The following CALD1 variants were observed in gnomAD, a reference collection of about 807,000 sequenced individuals.
The protein encoded by CALD1 is caldesmon 1, also known as caldesmon.
CALD1 carries 33 observed loss-of-function variants against 99.9 expected under a neutral mutation model. The observed-to-expected ratio is 0.33, with a 90% confidence interval of 0.25 to 0.44. CALD1 has a LOEUF of 0.44. CALD1 is among the 20% of genes least tolerant of loss of function. The probability of loss-of-function intolerance (pLI) is 1.00; values close to 1 mark genes in which losing one functional copy is unlikely to be tolerated. For synonymous variants in CALD1, 310 were observed against 325.0 expected (o/e 0.95, Z 0.50); for missense variants, 861 against 962.1 (o/e 0.89, Z 1.39).
At chr7:134,848,390 G>C (rs1362068240) in intron 2 of CALD1, among the ~76,000 whole-genome samples, 2 of 152,194 alleles carry the variant, frequency 1.3e-5, no homozygotes, top group Non-Finnish European at 2.9e-5. Context: ...AATGAGCTGT[G>C]ATTTCAGGAT....
At chr7:134,717,604 A>C in the CALD1 span, among the ~76,000 whole-genome samples, 2 of 152,256 alleles carry the variant, frequency 1.3e-5, no homozygotes, top group Admixed American at 6.5e-5. Context: ...TTGGCTGCTC[A>C]GACTGGAGCA....
intron 1 of CALD1, among the ~76,000 whole-genome samples, chr7:134,786,709 G>C (rs1424633667): frequency 6.6e-6 from 1 of 152,248 alleles, no homozygotes; most frequent in Non-Finnish European, 1.5e-5. Context: ...CAGTTAATTA[G>C]TGGTAAGATA....
chr7:134,933,641 A>T lies in CALD1; in HGVS notation c.872A>T (p.Glu291Val). The change falls in exon 5 of 15, where the codon GAA (glutamate) becomes GTA (valine). Residue 291 changes from glutamate (E) to valine (V), a missense_variant. Physicochemically the swap from Glu to Val is moderately radical, Grantham distance 121. Coordinates refer to ENST00000361675, the MANE Select transcript of CALD1 (RefSeq NM_033138.4). The stretch of plus-strand genomic sequence containing the variant: ...GAGCAAGACAAAAAGATAGCAGATG[A>T]ACGAGCAAGAATTGAAGCAGAAGAA... ...KAEQDKKIAD[E>V]RARIEAEEKA... 1 of 1,608,640 alleles carries T rather than the reference A, an allele frequency of 6.2e-7. No individual in the cohort carries two copies. The highest frequency in any genetic ancestry group is 8.5e-7 in the Non-Finnish European group (1 of 1,177,176).
intron 1 of CALD1, among the ~76,000 whole-genome samples, chr7:134,831,029 C>A (rs546651990): frequency 7.2e-4 from 110 of 152,262 alleles, no homozygotes; most frequent in African/African-American, 2.6e-3. Flanking sequence ...GATTTATGTA[C>A]AAGAATGTCC....
intron 3 of CALD1, among the ~76,000 whole-genome samples, chr7:134,868,959 C>G (rs1281902936): frequency 6.6e-6 from 1 of 152,148 alleles, no homozygotes; most frequent in Non-Finnish European, 1.5e-5. Context: ...TCATAAATAG[C>G]CTAGTCAGGT....
chr7:134,748,435 C>T (rs775971876), intron 1 of CALD1, among the ~76,000 whole-genome samples: 6 of 152,200 alleles, frequency 3.9e-5, no homozygotes, highest in South Asian at 2.1e-4. Context: ...TGAGGCTGGG[C>T]GCACTGGCTC....
Position 134,932,988 on chromosome 7 carries a change from T to C in CALD1, c.219T>C (p.Ser73=). The part of the protein sequence containing the change: ...TDQVEVNAQN[S]VPDEEAKTTT... ...TGGTGTTGTTCTTTCTGTTGTACAG[T>C]GTGCCTGACGAGGAGGCCAAGACAA... The change falls in exon 5 of 15, where the codon AGT becomes AGC. Residue 73 remains serine (S), a splice_region_variant and synonymous_variant. Coordinates refer to ENST00000361675, the MANE Select transcript of CALD1 (RefSeq NM_033138.4). 3.1e-6 allele frequency: 5 copies of C among 1,599,648 alleles called. No homozygotes were observed. The highest frequency in any genetic ancestry group is 2.6e-6 in the Non-Finnish European group (3 of 1,171,588).
intron 1 of CALD1, among the ~76,000 whole-genome samples, chr7:134,768,674 A>AT (rs1207073968): frequency 9.2e-5 from 14 of 152,132 alleles, no homozygotes; most frequent in Non-Finnish European, 1.3e-4. Flanking sequence ...TTATATTGCA[A>AT]TTTTTTAAAA....
Position 134,846,671 on chromosome 7 carries a change from G to A in CALD1, c.-42+2700G>A, listed in dbSNP as rs181980257. 2.3e-3 allele frequency among the ~76,000 whole-genome samples: 351 copies of A among 152,112 alleles called. 1 individual carries two copies. Among genetic ancestry groups the A allele is most frequent in the African/African-American group, 8.2e-3 (341 of 41,482 alleles). Reference sequence around the variant, plus strand: ...CTTAGTAGAAACCCTTGAGCTTCAGGGTGATTTTCTGATTATGAGCAGAAG... The same window carrying A: ...CTTAGTAGAAACCCTTGAGCTTCAGAGTGATTTTCTGATTATGAGCAGAAG... On this transcript the variant is annotated intron_variant, in intron 2 of 14. Coordinates refer to ENST00000361675, the MANE Select transcript of CALD1 (RefSeq NM_033138.4).
intron 2 of CALD1, among the ~76,000 whole-genome samples, chr7:134,860,547 G>A (rs917937747): frequency 6.6e-5 from 10 of 152,172 alleles, no homozygotes; most frequent in African/African-American, 2.4e-4. Flanking sequence ...ACTCAGAATG[G>A]TAAAATCTAG....
rs548960184 is a variant in CALD1, at chr7:134,933,211, G to T, written c.442G>T (p.Glu148Ter). The T allele has an allele frequency of 6.2e-7, 1 of 1,611,102 alleles. No homozygotes were observed. ...TGACACAGCAGAAAATGAAACTACC[G>T]AGAAGGAAGAAAAAAGTGAAAGTCG... ...QNDTAENETTEKEEKSESRQE... is the reference protein window; with the variant it reads ...QNDTAENETT The change falls in exon 5 of 15, where the codon GAG (glutamate) becomes TAG (stop). Residue 148 changes from glutamate (E) to a stop codon, truncating the protein, a stop_gained. Coordinates refer to ENST00000361675, the MANE Select transcript of CALD1 (RefSeq NM_033138.4). LOFTEE classifies it high-confidence loss of function.
the CALD1 span, among the ~76,000 whole-genome samples, chr7:134,722,521 A>G: frequency 6.6e-6 from 1 of 152,200 alleles, no homozygotes; most frequent in East Asian, 1.9e-4. Flanking sequence ...CCCAGGTTCA[A>G]GCGATTCTCC....
At chr7:134,744,676 T>G (rs973495595) in intron 1 of CALD1, among the ~76,000 whole-genome samples, 1 of 152,234 alleles carries the variant, frequency 6.6e-6, no homozygotes, top group East Asian at 1.9e-4. Context: ...CACCAAACAT[T>G]GGCAGAGTCG....
intron 1 of CALD1, among the ~76,000 whole-genome samples, chr7:134,795,226 T>C (rs1797701954): frequency 6.6e-6 from 1 of 152,220 alleles, no homozygotes; most frequent in Admixed American, 6.5e-5. Flanking sequence ...GGAGCCCCCA[T>C]AATTCCCACG....
chr7:134,747,869 G>A (rs757170606), intron 1 of CALD1, among the ~76,000 whole-genome samples: 3 of 152,228 alleles, frequency 2.0e-5, no homozygotes, highest in Non-Finnish European at 4.4e-5. Flanking sequence ...CCATGCGAGT[G>A]GGGACACCAC....
At chr7:134,864,409 T>TC (rs1459644646) in intron 2 of CALD1, among the ~76,000 whole-genome samples, 94 of 151,644 alleles carry the variant, frequency 6.2e-4, no homozygotes, top group Admixed American at 1.2e-3. Flanking sequence ...CTTTCCTTTT[T>TC]TTTTTTTGAG....
intron 9 of CALD1, among the ~76,000 whole-genome samples, chr7:134,955,924 G>A (rs977566718): frequency 6.6e-6 from 1 of 152,074 alleles, no homozygotes; most frequent in Non-Finnish European, 1.5e-5. Context: ...ATGGATGGAC[G>A]GACGGACGGA....
At chr7:134,729,977 C>A in the CALD1 span, among the ~76,000 whole-genome samples, 1 of 152,054 alleles carries the variant, frequency 6.6e-6, no homozygotes, top group African/African-American at 2.4e-5. Context: ...CCCCAGAGTG[C>A]GGTCCCTGAA....
At chr7:134,963,747 CAT>C (rs1054358345) in intron 13 of CALD1, among the ~76,000 whole-genome samples, 6 of 152,160 alleles carry the variant, frequency 3.9e-5, no homozygotes, top group African/African-American at 9.7e-5. Context: ...AAGATTTCCA[CAT>C]GTTCTTACAC....
Sources: gnomAD v4.1 joint callset for allele counts (sites outside exome capture counted in the v4.1 genomes callset) on GRCh38, gnomAD v4.1.1 for gene constraint, MANE v1.5 for transcripts, NCBI Gene and HGNC (gene_info 2026-07-23, HGNC 2026-07-21) for gene names.